The following GHR variants were observed in gnomAD, a reference collection of about 807,000 sequenced individuals.
GHR encodes GH receptor.
Under a neutral mutation model 67.1 loss-of-function variants are expected in GHR, and 35 were observed. That is an observed-to-expected ratio of 0.52 (90% confidence interval 0.40 to 0.69). The LOEUF is 0.69. Among genes scored for constraint, GHR ranks in the 30% least tolerant of loss-of-function variants. The probability of loss-of-function intolerance (pLI) is 0.00; values close to 1 mark genes in which losing one functional copy is unlikely to be tolerated. For missense variants in GHR, 792 were observed against 764.6 expected, an observed-to-expected ratio of 1.04 and a Z score of -0.42; for synonymous variants, 272 against 269.1, an observed-to-expected ratio of 1.01 and a Z score of -0.10.
chr5:42,715,165 A>G (rs1758659375), intron 8 of GHR: 1 of 286,594 alleles, frequency 3.5e-6, no homozygotes, highest in African/African-American at 2.3e-5. Context: ...GTTCTCCCAA[A>G]TTTCCTGCAC....
chr5:42,651,984 G>A (rs936033494), intron 3 of GHR, among the ~76,000 whole-genome samples: 1 of 152,172 alleles, frequency 6.6e-6, no homozygotes, highest in African/African-American at 2.4e-5. Flanking sequence ...GAAAGGTATA[G>A]ATGCTATTTT....
intron 2 of GHR, among the ~76,000 whole-genome samples, chr5:42,602,372 TC>T (rs2112637999): frequency 6.6e-6 from 1 of 152,276 alleles, no homozygotes; most frequent in South Asian, 2.1e-4. Flanking sequence ...AATATCTTTT[TC>T]CATCACTTAC....
At chr5:42,579,181 TAGATAG>T (rs1751019862) in intron 2 of GHR, among the ~76,000 whole-genome samples, 1 of 150,982 alleles carries the variant, frequency 6.6e-6, no homozygotes, top group African/African-American at 2.5e-5. Flanking sequence ...GATAGATAGA[TAGATAG>T]ATAGATAGAT....
intron 2 of GHR, among the ~76,000 whole-genome samples, chr5:42,594,552 T>C (rs1198351789): frequency 2.0e-5 from 3 of 152,332 alleles, no homozygotes; most frequent in African/African-American, 7.2e-5. Context: ...AAGCTGACCT[T>C]TTCTTCCTAG....
At chr5:42,625,362 CCTA>C (rs1331550470) in intron 2 of GHR, among the ~76,000 whole-genome samples, 6 of 151,976 alleles carry the variant, frequency 3.9e-5, no homozygotes, top group Non-Finnish European at 7.4e-5. Flanking sequence ...TTCATTTTCT[CCTA>C]CTATACTCTC....
At chr5:42,462,437 G>A (rs926305951) in intron 1 of GHR, among the ~76,000 whole-genome samples, 1 of 152,020 alleles carries the variant, frequency 6.6e-6, no homozygotes, top group African/African-American at 2.4e-5. Flanking sequence ...GAGTTGCAAG[G>A]GGAAAACAAA....
intron 1 of GHR, among the ~76,000 whole-genome samples, chr5:42,444,764 C>T (rs957446304): frequency 2.0e-5 from 3 of 152,116 alleles, no homozygotes; most frequent in Non-Finnish European, 4.4e-5. Flanking sequence ...TTTTCATTCT[C>T]TCATTCTTCT....
At chr5:42,505,685 T>C (rs1053628420) in intron 1 of GHR, among the ~76,000 whole-genome samples, 4 of 152,192 alleles carry the variant, frequency 2.6e-5, no homozygotes, top group Admixed American at 6.5e-5. Context: ...CTTCCTGTTA[T>C]GTAAAATGGG....
rs559690468 is a variant in GHR, at chr5:42,517,306, A to G, written c.-11-48558A>G. ...AACCTGAACTGAGCTTTATCAAAAC[A>G]GTAACTGAACTTTGAAACGAAACAA... On this transcript the variant is annotated intron_variant, in intron 1 of 9. Coordinates refer to ENST00000230882, the MANE Select transcript of GHR (RefSeq NM_000163.5). 9.2e-5 allele frequency among the ~76,000 whole-genome samples: 14 copies of G among 152,328 alleles called. No homozygotes were observed. The South Asian group carries it at 2.9e-3, about 32-fold the overall frequency.
chr5:42,486,120 T>C (rs1745869334), intron 1 of GHR, among the ~76,000 whole-genome samples: 1 of 152,220 alleles, frequency 6.6e-6, no homozygotes, highest in South Asian at 2.1e-4. Flanking sequence ...TCCCAGGTGA[T>C]GGCAACACAG....
At chr5:42,553,506 T>A (rs1749147471) in intron 1 of GHR, among the ~76,000 whole-genome samples, 1 of 152,178 alleles carries the variant, frequency 6.6e-6, no homozygotes, top group Non-Finnish European at 1.5e-5. Context: ...GAAGATCAAG[T>A]CCTTTTCAAG....
At chr5:42,429,338 C>T (rs1742989708) in intron 1 of GHR, among the ~76,000 whole-genome samples, 1 of 152,156 alleles carries the variant, frequency 6.6e-6, no homozygotes, top group African/African-American at 2.4e-5. Flanking sequence ...CTGGGTTCCT[C>T]CCATGACACA....
intron 2 of GHR, among the ~76,000 whole-genome samples, chr5:42,612,443 C>A (rs1752936192): frequency 6.6e-6 from 1 of 152,016 alleles, no homozygotes; most frequent in Non-Finnish European, 1.5e-5. Flanking sequence ...TCAAACAGTT[C>A]TTCAGCAGTT....
intron 2 of GHR, among the ~76,000 whole-genome samples, chr5:42,593,374 C>G (rs575633256): frequency 2.0e-5 from 3 of 152,294 alleles, no homozygotes; most frequent in East Asian, 3.9e-4. Flanking sequence ...AACTGTCTCT[C>G]AAAAGTTCTT....
chr5:42,473,237 G>A (rs979908101), intron 1 of GHR, among the ~76,000 whole-genome samples: 6 of 151,796 alleles, frequency 4.0e-5, no homozygotes, highest in Admixed American at 3.3e-4. Flanking sequence ...TTTTTGAGAC[G>A]GAGTCTCACC....
chr5:42,653,352 G>A lies in GHR; in HGVS notation c.136+24249G>A, dbSNP rs180854102. 3.2e-3 allele frequency among the ~76,000 whole-genome samples: 480 copies of A among 152,112 alleles called. 3 individuals are homozygous for A. Among genetic ancestry groups the A allele is most frequent in the Non-Finnish European group, 5.3e-3 (361 of 67,972 alleles). Reference sequence around the variant, plus strand: ...TAGTTTTCTAGAATCAAATAAGCAAGGATTCAAACTCAGGATATATTGACC... The same window carrying A: ...TAGTTTTCTAGAATCAAATAAGCAAAGATTCAAACTCAGGATATATTGACC... On this transcript the variant is annotated intron_variant, in intron 3 of 9. Coordinates refer to ENST00000230882, the MANE Select transcript of GHR (RefSeq NM_000163.5).
In GHR at chr5:42,718,627, C is replaced by T. The variant is rs541190074; in HGVS notation, c.1120C>T (p.His374Tyr). The T allele has an allele frequency of 1.2e-6, 2 of 1,613,910 alleles. No individual in the cohort carries two copies. The highest frequency in any genetic ancestry group is 1.3e-5 in the African/African-American group (1 of 74,904). Reference sequence around the variant, plus strand: ...TCTAAGCAGTGACCATGAGAAATCACATAGTAACCTAGGGGTGAAGGATGG... The same window carrying T: ...TCTAAGCAGTGACCATGAGAAATCATATAGTAACCTAGGGGTGAAGGATGG... ...RLLSSDHEKS[H>Y]SNLGVKDGDS... is the part of the protein sequence containing the mutation. The change falls in exon 10 of 10, where the codon CAT becomes TAT. Residue 374 changes from histidine (H) to tyrosine (Y), a missense_variant. By Grantham distance (83) the His-to-Tyr change is moderately conservative. Coordinates refer to ENST00000230882, the MANE Select transcript of GHR (RefSeq NM_000163.5).
chr5:42,514,713 G>T (rs1353897010), intron 1 of GHR, among the ~76,000 whole-genome samples: 1 of 152,166 alleles, frequency 6.6e-6, no homozygotes, highest in East Asian at 1.9e-4. Context: ...TCATTGCAGG[G>T]TGAGAGGAGG....
intron 1 of GHR, among the ~76,000 whole-genome samples, chr5:42,435,506 T>C (rs1342670955): frequency 6.6e-6 from 1 of 152,186 alleles, no homozygotes; most frequent in East Asian, 1.9e-4. Flanking sequence ...CACAATATAA[T>C]TTATTTAAGT....
Sources: gnomAD v4.1 joint callset for allele counts (sites outside exome capture counted in the v4.1 genomes callset) on GRCh38, gnomAD v4.1.1 for gene constraint, MANE v1.5 for transcripts, NCBI Gene and HGNC (gene_info 2026-07-23, HGNC 2026-07-21) for gene names.